CLIC5: variants seen among roughly 807,000 people sequenced by gnomAD.
CLIC5 encodes the protein CLIC family member 5, also known as chloride intracellular channel protein 5.
A neutral mutation model predicts 24.7 loss-of-function variants in CLIC5; 20 were observed. The ratio of observed to expected loss-of-function variants is 0.81; its 90% CI spans 0.57 to 1.18. The LOEUF (loss-of-function observed/expected upper bound fraction) is 1.18. CLIC5 is among the 50% of genes most tolerant of loss of function. The pLI is 0.00. For synonymous variants in CLIC5, 159 were observed against 135.6 expected, an observed-to-expected ratio of 1.17 and a Z score of -1.20; for missense variants, 341 against 326.1, an observed-to-expected ratio of 1.05 and a Z score of -0.35.
intron 1 of CLIC5, among the ~76,000 whole-genome samples, chr6:46,004,395 G>A (rs1478171771): frequency 3.3e-5 from 5 of 152,180 alleles, no homozygotes; most frequent in Non-Finnish European, 7.3e-5. Flanking sequence ...AAAGTGGGTG[G>A]AAGTGATTCG....
chr6:46,079,133 G>T (rs1171084140), intron 1 of CLIC5, among the ~76,000 whole-genome samples: 1 of 152,138 alleles, frequency 6.6e-6, no homozygotes, highest in Non-Finnish European at 1.5e-5. Context: ...AGATCACCAA[G>T]GTTCTGTTTA....
the CLIC5 span, among the ~76,000 whole-genome samples, chr6:46,101,789 T>C: frequency 6.6e-6 from 1 of 152,234 alleles, no homozygotes; most frequent in Non-Finnish European, 1.5e-5. Flanking sequence ...ATGAAGTTTA[T>C]TTAATAATGT....
chr6:45,914,298 C>T lies in CLIC5; in HGVS notation c.518G>A (p.Arg173His), dbSNP rs1482226093. 14 of 1,607,312 alleles carry T rather than the reference C, an allele frequency of 8.7e-6. No homozygotes were observed. Among genetic ancestry groups the T allele is most frequent in the South Asian group, 1.1e-5 (1 of 89,966 alleles). Residue 173 changes from arginine (R) to histidine (H), a missense_variant, in exon 5 of 6, where the codon CGC becomes CAC. Physicochemically the swap from Arg to His is conservative, Grantham distance 29. Coordinates refer to ENST00000339561, the MANE Select transcript of CLIC5 (RefSeq NM_016929.5). ...CAGCTCATCCCCATCCAGGAACTTG[C>T]GCCGGGACCCCTTGTCTTCCCCACA... The part of the protein sequence containing the change: ...NTCGEDKGSR[R>H]KFLDGDELTL...
chr6:45,984,393 T>C (rs954522863), intron 1 of CLIC5, among the ~76,000 whole-genome samples: 2 of 152,142 alleles, frequency 1.3e-5, no homozygotes, highest in Non-Finnish European at 2.9e-5. Flanking sequence ...TGACAGGTGC[T>C]CCGGAACCCA....
chr6:45,892,283 T>C (rs1204300466), intron 6 of CLIC5: 1 of 152,218 alleles, frequency 6.6e-6, no homozygotes, highest in Non-Finnish European at 1.5e-5. Flanking sequence ...GAATGTGAGA[T>C]AATGTAAGCA....
intron 1 of CLIC5, among the ~76,000 whole-genome samples, chr6:45,989,695 C>T (rs1303161232): frequency 1.3e-5 from 2 of 152,190 alleles, no homozygotes; most frequent in Non-Finnish European, 2.9e-5. Flanking sequence ...CAGAAGTTAG[C>T]TGGGGCAAGG....
chr6:45,930,394 C>G (rs1489456225), intron 4 of CLIC5, among the ~76,000 whole-genome samples: 1 of 152,076 alleles, frequency 6.6e-6, no homozygotes, highest in Non-Finnish European at 1.5e-5. Flanking sequence ...CAGGGACCTC[C>G]TATGGTAGAT....
At chr6:46,085,084 C>T (rs2127480987), upstream of CLIC5, among the ~76,000 whole-genome samples, 1 of 152,330 alleles carries the variant, frequency 6.6e-6, no homozygotes, top group Non-Finnish European at 1.5e-5. Flanking sequence ...GAGGCTTCTG[C>T]ATTCTTCACG....
intron 5 of CLIC5, chr6:45,912,627 A>C: frequency 7.4e-6 from 11 of 1,494,334 alleles, no homozygotes; most frequent in Non-Finnish European, 9.0e-6. Flanking sequence ...TCATGCTGCT[A>C]GTTGGCAGCA....
chr6:46,047,039 T>A (rs1424413805), intron 1 of CLIC5, among the ~76,000 whole-genome samples: 2 of 152,200 alleles, frequency 1.3e-5, no homozygotes, highest in Admixed American at 6.5e-5. Flanking sequence ...TACCGTAGTG[T>A]TCACATGATT....
chr6:46,128,746 G>A, the CLIC5 span, among the ~76,000 whole-genome samples: 9 of 152,182 alleles, frequency 5.9e-5, no homozygotes, highest in African/African-American at 2.2e-4. Context: ...GCAGGTTCTA[G>A]GGATTCAGCT....
chr6:45,880,944 A>C (rs1377656980), downstream of CLIC5: 1 of 390,088 alleles, frequency 2.6e-6, no homozygotes. Flanking sequence ...ATGAACTGCT[A>C]GCTTCAGCTT....
At chr6:46,109,116 A>T in the CLIC5 span, among the ~76,000 whole-genome samples, 2 of 152,200 alleles carry the variant, frequency 1.3e-5, no homozygotes, top group Non-Finnish European at 2.9e-5. Context: ...TGCCACTGGA[A>T]TAACCAACTT....
intron 1 of CLIC5, among the ~76,000 whole-genome samples, chr6:45,967,427 C>A (rs1364557103): frequency 6.6e-6 from 1 of 152,136 alleles, no homozygotes; most frequent in African/African-American, 2.4e-5. Context: ...AGGAAGGAGC[C>A]CACCTAAGGG....
At chr6:46,101,502 G>T in the CLIC5 span, among the ~76,000 whole-genome samples, 1 of 152,182 alleles carries the variant, frequency 6.6e-6, no homozygotes, top group Admixed American at 6.5e-5. Flanking sequence ...GACAGAAAAG[G>T]GCTGAGAAAA....
intron 1 of CLIC5, among the ~76,000 whole-genome samples, chr6:46,029,627 G>A (rs1767442463): frequency 6.6e-6 from 1 of 152,090 alleles, no homozygotes; most frequent in Non-Finnish European, 1.5e-5. Context: ...AAAAGGTGAG[G>A]ACTGAAAGAG....
chr6:45,936,168 C>T (rs909818018), intron 4 of CLIC5, among the ~76,000 whole-genome samples: 6 of 150,996 alleles, frequency 4.0e-5, no homozygotes, highest in Non-Finnish European at 8.8e-5. Flanking sequence ...ATTGTCTACC[C>T]GAGATAACTG....
chr6:45,978,388 A>G (rs1214084203), intron 1 of CLIC5, among the ~76,000 whole-genome samples: 2 of 152,196 alleles, frequency 1.3e-5, no homozygotes, highest in African/African-American at 2.4e-5. Flanking sequence ...AAGCTTTCCA[A>G]TAAAAATATA....
At chr6:45,925,281 T>G (rs1197342264) in intron 4 of CLIC5, among the ~76,000 whole-genome samples, 1 of 151,736 alleles carries the variant, frequency 6.6e-6, no homozygotes, top group Non-Finnish European at 1.5e-5. Flanking sequence ...CCAATATACA[T>G]AGGTATTGCC....
Sources: gnomAD v4.1 joint callset for allele counts (sites outside exome capture counted in the v4.1 genomes callset) on GRCh38, gnomAD v4.1.1 for gene constraint, MANE v1.5 for transcripts, NCBI Gene and HGNC (gene_info 2026-07-23, HGNC 2026-07-21) for gene names.